The following USH2A variants were observed in gnomAD, a reference collection of about 807,000 sequenced individuals.
USH2A encodes Usher syndrome 2A (autosomal recessive, mild).
A neutral mutation model predicts 538.9 loss-of-function variants in USH2A; 443 were observed. The ratio of observed to expected loss-of-function variants is 0.82; its 90% CI spans 0.76 to 0.89. The LOEUF (loss-of-function observed/expected upper bound fraction) is 0.89, where lower values mean the gene tolerates loss of function less well. Among genes scored for constraint, USH2A ranks in the 40% least tolerant of loss-of-function variants. The probability of loss-of-function intolerance (pLI) is 0.00; values close to 1 mark genes in which losing one functional copy is unlikely to be tolerated. For synonymous variants in USH2A, 2,413 were observed against 2,273.5 expected (o/e 1.06, Z -1.75); for missense variants, 6,633 against 6,324.8 (o/e 1.05, Z -1.65).
chr1:216,198,450 C>T lies in USH2A; in HGVS notation c.3946G>A (p.Ala1316Thr). 1 of 1,614,028 alleles carries T rather than the reference C, an allele frequency of 6.2e-7. No homozygotes were observed. The highest frequency in any genetic ancestry group is 2.2e-5 in the East Asian group (1 of 44,828). The change falls in exon 18 of 72, where the codon GCA (alanine) becomes ACA (threonine). Residue 1316 changes from alanine to threonine, a missense_variant. Coordinates refer to ENST00000307340, the MANE Select transcript of USH2A (RefSeq NM_206933.4). ...GTCATTGTTTGAGGAGGTTTTAATGCATTTTCATTGGCCGATTCTACAAAT... is the reference window on the plus strand; with the variant it reads ...GTCATTGTTTGAGGAGGTTTTAATGTATTTTCATTGGCCGATTCTACAAAT... ...HSFVESANEN[A>T]LKPPQTMTTI...
At chr1:215,778,094 C>CA (rs1189224396) in intron 55 of USH2A, among the ~76,000 whole-genome samples, 2 of 151,600 alleles carry the variant, frequency 1.3e-5, no homozygotes, top group African/African-American at 4.8e-5. Context: ...TTCTGTTGCC[C>CA]AGGCTGGAGT....
At chr1:215,956,159 C>T (rs1667063078) in intron 37 of USH2A, among the ~76,000 whole-genome samples, 1 of 152,168 alleles carries the variant, frequency 6.6e-6, no homozygotes, top group Non-Finnish European at 1.5e-5. Flanking sequence ...AATCTAAACA[C>T]TGATTCTAAT....
chr1:216,254,226 T>C (rs539203861), intron 11 of USH2A, among the ~76,000 whole-genome samples: 5 of 152,252 alleles, frequency 3.3e-5, no homozygotes, highest in African/African-American at 1.2e-4. Flanking sequence ...AAATAAAGCA[T>C]TATTATTTTT....
chr1:215,752,622 C>T (rs941858912), intron 58 of USH2A, among the ~76,000 whole-genome samples: 1 of 152,306 alleles, frequency 6.6e-6, no homozygotes, highest in African/African-American at 2.4e-5. Context: ...ACTTCCTTCA[C>T]GCTGCAAAAA....
rs369624787 is a variant in USH2A at position 215,900,905 on chromosome 1, G to A, written c.7301C>T (p.Ala2434Val). The part of the protein sequence containing the change: ...DPITIAMPPG[A>V]PDGVLPPRLS... The stretch of plus-strand genomic sequence containing the variant: ...CCTGGGAGGCAGCACGCCATCTGGA[G>A]CTGTCGAAAAACACAGATGAATTAG... Residue 2434 changes from alanine to valine, a missense_variant and splice_region_variant, in exon 39 of 72, where the codon GCT becomes GTT. By Grantham distance (64) the Ala-to-Val change is moderately conservative (BLOSUM62 0). Transcript: ENST00000307340. The A allele has an allele frequency of 6.2e-7, 1 of 1,613,338 alleles. No homozygotes were observed. Among genetic ancestry groups the A allele is most frequent in the East Asian group, 2.2e-5 (1 of 44,854 alleles).
At chr1:216,306,232 T>A (rs1383287014) in intron 9 of USH2A, among the ~76,000 whole-genome samples, 2 of 152,104 alleles carry the variant, frequency 1.3e-5, no homozygotes, top group Non-Finnish European at 1.5e-5. Context: ...TGTCTTTGTT[T>A]GATTGGGTTA....
At chr1:216,083,252 C>G (rs1371314258) in intron 26 of USH2A, 2 of 484,082 alleles carry the variant, frequency 4.1e-6, no homozygotes, top group Non-Finnish European at 7.2e-6. Flanking sequence ...ATAATTGTTA[C>G]AATTGTCATC....
At chr1:215,673,033 A>G (rs17025041) in intron 63 of USH2A, among the ~76,000 whole-genome samples, 2,131 of 152,306 alleles carry the variant, frequency 0.014, 53 homozygotes, top group African/African-American at 0.049. Flanking sequence ...GCCAGTCTAG[A>G]ATATACAGCT....
chr1:215,905,467 A>G (rs547331465), intron 38 of USH2A, among the ~76,000 whole-genome samples: 4 of 152,118 alleles, frequency 2.6e-5, no homozygotes, highest in Non-Finnish European at 5.9e-5. Flanking sequence ...AGGGCAGAAT[A>G]GGTAGAAGGC....
At chr1:216,186,673 C>T (rs981462812) in intron 20 of USH2A, among the ~76,000 whole-genome samples, 2 of 151,908 alleles carry the variant, frequency 1.3e-5, no homozygotes, top group Non-Finnish European at 2.9e-5. Flanking sequence ...CCCAGATTTG[C>T]AATTTCTGCT....
chr1:215,711,591 A>G (rs1480712231), intron 61 of USH2A, among the ~76,000 whole-genome samples: 2 of 152,150 alleles, frequency 1.3e-5, no homozygotes, highest in African/African-American at 2.4e-5. Context: ...GGAAATCCCT[A>G]AAGTTTTTCT....
chr1:216,025,398 T>C (rs546553634), intron 32 of USH2A, among the ~76,000 whole-genome samples: 1 of 152,126 alleles, frequency 6.6e-6, no homozygotes, highest in South Asian at 2.1e-4. Context: ...ACAATATTTT[T>C]ATTTTCTGAA....
intron 14 of USH2A, among the ~76,000 whole-genome samples, chr1:216,221,712 A>G (rs2035460736): frequency 6.6e-6 from 1 of 152,194 alleles, no homozygotes; most frequent in South Asian, 2.1e-4. Flanking sequence ...CTTGCTCAGC[A>G]AGGTTCTGAT....
chr1:216,065,972 A>C (rs1354860142), intron 30 of USH2A, among the ~76,000 whole-genome samples: 1 of 152,140 alleles, frequency 6.6e-6, no homozygotes, highest in Non-Finnish European at 1.5e-5. Flanking sequence ...AAGAAGTAGA[A>C]ATGGTCAATA....
intron 55 of USH2A, among the ~76,000 whole-genome samples, chr1:215,777,473 G>C (rs990619057): frequency 6.6e-6 from 1 of 152,198 alleles, no homozygotes; most frequent in Non-Finnish European, 1.5e-5. Flanking sequence ...AATTTCTTTA[G>C]CCTTATATCA....
intron 3 of USH2A, among the ~76,000 whole-genome samples, chr1:216,409,372 G>A (rs917490760): frequency 6.6e-6 from 1 of 151,742 alleles, no homozygotes; most frequent in African/African-American, 2.4e-5. Flanking sequence ...GGAATAACTA[G>A]AAAAAAACTT....
rs145581812 is a variant in USH2A, at chr1:216,073,262, C to T, written c.5611G>A (p.Gly1871Ser). ...GCMKDVKFTR[G>S]AVVNLASVSS... is the part of the protein sequence containing the mutation. The stretch of plus-strand genomic sequence containing the variant: ...ACAGATGCCAAGTTAACGACAGCAC[C>T]CCGTGTAAATTTAACATCCTTCATG... The change falls in exon 28 of 72, where the codon GGT becomes AGT. Residue 1871 changes from glycine (G) to serine (S), a missense_variant. Transcript: ENST00000307340. 5 of 1,613,712 alleles carry T rather than the reference C, an allele frequency of 3.1e-6. No homozygotes were observed. Among genetic ancestry groups the T allele is most frequent in the Non-Finnish European group, 4.2e-6 (5 of 1,179,906 alleles).
intron 61 of USH2A, among the ~76,000 whole-genome samples, chr1:215,685,460 C>A (rs1279249830): frequency 2.6e-5 from 4 of 151,650 alleles, no homozygotes; most frequent in East Asian, 1.9e-4. Context: ...TGGGTTCGAG[C>A]GATTCTCATG....
chr1:216,021,494 T>C (rs1307402643), intron 32 of USH2A, among the ~76,000 whole-genome samples: 2 of 152,156 alleles, frequency 1.3e-5, no homozygotes, highest in Admixed American at 6.6e-5. Flanking sequence ...TAAACCTCCT[T>C]TTTTATAAAT....
Sources: gnomAD v4.1 joint callset for allele counts (sites outside exome capture counted in the v4.1 genomes callset) on GRCh38, gnomAD v4.1.1 for gene constraint, MANE v1.5 for transcripts, NCBI Gene and HGNC (gene_info 2026-07-23, HGNC 2026-07-21) for gene names.